The following PAQR3 variants were observed in gnomAD, a reference collection of about 807,000 sequenced individuals.
PAQR3 encodes Raf kinase trapping to Golgi.
Under a neutral mutation model 41.7 loss-of-function variants are expected in PAQR3, and 39 were observed. The ratio of observed to expected loss-of-function variants is 0.93; its 90% CI spans 0.72 to 1.22. The LOEUF (loss-of-function observed/expected upper bound fraction) is 1.22, where lower values mean the gene tolerates loss of function less well. Among genes scored for constraint, PAQR3 ranks in the 50% most tolerant of loss-of-function variants. The probability of loss-of-function intolerance (pLI) is 0.00; values close to 1 mark genes in which losing one functional copy is unlikely to be tolerated. For synonymous variants in PAQR3, 140 were observed against 140.6 expected (o/e 1.00, Z 0.03); for missense variants, 366 against 385.6 (o/e 0.95, Z 0.42).
chr4:78,910,453 C>CT (rs1448784938), downstream of PAQR3, among the ~76,000 whole-genome samples: 1 of 152,172 alleles, frequency 6.6e-6, no homozygotes, highest in Non-Finnish European at 1.5e-5. Context: ...AATGCATTCT[C>CT]TAAGTCTAAT....
downstream of PAQR3, chr4:78,910,467 G>A (rs1002843347): frequency 9.9e-6 from 7 of 703,566 alleles, no homozygotes; most frequent in African/African-American, 3.6e-5. Context: ...GTCTAATGAC[G>A]AAGAATTGAC....
rs1734833965 is a variant in PAQR3, at chr4:78,913,971, C to T, written c.*6568G>A. On this transcript the variant is annotated 3_prime_UTR_variant, in exon 6 of 6. Transcript: ENST00000512733. ...AAATGCTCAAGTAGATGTTTAAAAACTTTACAAAATAGATTCAAGTGATAC... is the reference window on the plus strand; with the variant it reads ...AAATGCTCAAGTAGATGTTTAAAAATTTTACAAAATAGATTCAAGTGATAC... 1 of 151,608 alleles carries T rather than the reference C, an allele frequency of 6.6e-6. No homozygotes were observed. Among genetic ancestry groups the T allele is most frequent in the Non-Finnish European group, 1.5e-5 (1 of 67,894 alleles). 9.4% of individuals were successfully genotyped at this position (151,608 alleles called of 1,614,324 possible).
Position 78,930,297 on chromosome 4 carries a change from T to C in PAQR3, c.377A>G (p.His126Arg), listed in dbSNP as rs1173646028. The C allele has an allele frequency of 6.2e-7, 1 of 1,613,696 alleles. No homozygotes were observed. Among genetic ancestry groups the C allele is most frequent in the Non-Finnish European group, 8.5e-7 (1 of 1,179,862 alleles). The change falls in exon 3 of 6, where the codon CAT becomes CGT. Residue 126 changes from histidine (H) to arginine (R), a missense_variant. Physicochemically the swap from His to Arg is conservative, Grantham distance 29 (BLOSUM62 0). Transcript: ENST00000512733. ...QVCMLCSVGY[H>R]LFSCHRSEKT... Reference sequence around the variant, plus strand: ...TTCTGACCGATGGCAGGAAAAAAGATGATAGCCCACAGAGCAAAGCATACA... The same window carrying C: ...TTCTGACCGATGGCAGGAAAAAAGACGATAGCCCACAGAGCAAAGCATACA...
intron 1 of PAQR3, among the ~76,000 whole-genome samples, chr4:78,937,406 T>C (rs1184428641): frequency 2.0e-5 from 3 of 152,190 alleles, no homozygotes; most frequent in Non-Finnish European, 4.4e-5. Context: ...TCTTCTTCCG[T>C]CTTTCGAACC....
intron 3 of PAQR3, 28 bp from the exon 4 acceptor site, chr4:78,926,746 TTC>T (rs1736281002): frequency 1.3e-6 from 2 of 1,596,680 alleles, no homozygotes; most frequent in East Asian, 4.5e-5. Flanking sequence ...CACATTTTAA[TTC>T]TGTTATTAAC....
At chr4:78,935,356 A>C (rs981836250) in intron 1 of PAQR3, 73 bp from the exon 2 acceptor site, 2 of 1,370,926 alleles carry the variant, frequency 1.5e-6, no homozygotes, top group African/African-American at 2.9e-5. Flanking sequence ...GTTAGGGACA[A>C]TTTTGAGGAG....
chr4:78,934,551 G>A (rs1737231116), intron 2 of PAQR3, among the ~76,000 whole-genome samples: 1 of 152,078 alleles, frequency 6.6e-6, no homozygotes, highest in South Asian at 2.1e-4. Flanking sequence ...AACTTTTAAA[G>A]ACATTTTTAC....
intron 11 of PAQR3, among the ~76,000 whole-genome samples, chr4:78,901,228 TTA>T (rs200710553): frequency 0.013 from 1,959 of 149,888 alleles, 37 homozygotes; most frequent in African/African-American, 0.046. Flanking sequence ...TTTTATTTTA[TTA>T]TTTTTTTTTT....
chr4:78,923,812 A>G (rs1425981857), intron 5 of PAQR3, 45 bp downstream of exon 5: 2 of 1,278,276 alleles, frequency 1.6e-6, no homozygotes, highest in Middle Eastern at 1.9e-4. Context: ...CCTTGGGCAT[A>G]TATTTAGACT....
chr4:78,902,942 T>C (rs1734086825), intron 11 of PAQR3, among the ~76,000 whole-genome samples: 2 of 152,124 alleles, frequency 1.3e-5, no homozygotes, highest in Non-Finnish European at 2.9e-5. Context: ...ATTCTTTTTA[T>C]GAAGTATTTG....
At chr4:78,931,185 T>TA (rs1553925635) in intron 2 of PAQR3, among the ~76,000 whole-genome samples, 250 of 115,006 alleles carry the variant, frequency 2.2e-3, no homozygotes, top group African/African-American at 7.1e-3. Flanking sequence ...CCTCATTTCT[T>TA]AAAAAAAAAA....
At chr4:78,897,458 A>G (rs1295409919) in intron 11 of PAQR3, among the ~76,000 whole-genome samples, 5 of 152,174 alleles carry the variant, frequency 3.3e-5, no homozygotes, top group East Asian at 1.9e-4. Context: ...AAAAATTTAT[A>G]ATGAAAAATT....
At position 78,918,268 on chromosome 4, in the gene PAQR3, A is replaced by G. The variant is rs1735290278; in HGVS notation, c.*2271T>C. On this transcript the variant is annotated 3_prime_UTR_variant, in exon 6 of 6. Coordinates refer to ENST00000512733, the MANE Select transcript of PAQR3 (RefSeq NM_001040202.2). Reference sequence around the variant, plus strand: ...ACTTTAATCTATAAAAACAAAAATAACTTAAATATACATCATTACAAGGCT... The same window carrying G: ...ACTTTAATCTATAAAAACAAAAATAGCTTAAATATACATCATTACAAGGCT... 4.3e-6 allele frequency: 4 copies of G among 932,358 alleles called. No individual in the cohort carries two copies. The highest frequency in any genetic ancestry group is 1.2e-4 in the Admixed American group (2 of 16,112). The allele number at this position is 932,358 out of a possible 1,614,324, so 57.8% of individuals were successfully genotyped here. A position where few individuals can be genotyped will look rare whatever the true frequency, so the allele number is the denominator to read the frequency against.
chr4:78,920,839 A>C (rs1735591048), intron 5 of PAQR3, among the ~76,000 whole-genome samples, 158 bp from the exon 6 acceptor site: 1 of 151,920 alleles, frequency 6.6e-6, no homozygotes, highest in African/African-American at 2.4e-5. Context: ...AAATGGATCA[A>C]TTCATATTTG....
chr4:78,918,752 A>C lies in PAQR3; in HGVS notation c.*1787T>G. On this transcript the variant is annotated 3_prime_UTR_variant, in exon 6 of 6. Coordinates refer to ENST00000512733, the MANE Select transcript of PAQR3 (RefSeq NM_001040202.2). ...TAAAAATGGCTCCACACCTAAAATA[A>C]TGATTTTCCCCTCATTTTTAACTTA... 1.0e-6 allele frequency: 1 copy of C among 982,234 alleles called. No homozygotes were observed. The highest frequency in any genetic ancestry group is 1.2e-6 in the Non-Finnish European group (1 of 827,136). The allele number at this position is 982,234 out of a possible 1,614,324, so 60.8% of individuals were successfully genotyped here. A position where few individuals can be genotyped will look rare whatever the true frequency, so the allele number is the denominator to read the frequency against.
At chr4:78,900,418 C>T (rs7691065) in intron 11 of PAQR3, among the ~76,000 whole-genome samples, 25,751 of 151,842 alleles carry the variant, frequency 0.17, 4,482 homozygotes, top group African/African-American at 0.45. Context: ...TATAGAAAGA[C>T]TGAAAGTGAA....
At chr4:78,894,584 G>A (rs546960808) in intron 11 of PAQR3, among the ~76,000 whole-genome samples, 12 of 152,316 alleles carry the variant, frequency 7.9e-5, no homozygotes, top group South Asian at 2.1e-4. Flanking sequence ...TTACGGGAAC[G>A]CAGTGGTTGG....
At chr4:78,892,468 C>T (rs6830661) in intron 11 of PAQR3, among the ~76,000 whole-genome samples, 20,279 of 152,104 alleles carry the variant, frequency 0.13, 2,501 homozygotes, top group African/African-American at 0.33. Context: ...TGTGTTTTCC[C>T]CTTTTTATCA....
At chr4:78,889,169 CGA>C (rs1274606669) in intron 11 of PAQR3, among the ~76,000 whole-genome samples, 1 of 141,944 alleles carries the variant, frequency 7.0e-6, no homozygotes, top group Non-Finnish European at 1.5e-5. Context: ...TGCAGTGAGC[CGA>C]GATCGTGCCA....
Sources: gnomAD v4.1 joint callset for allele counts (sites outside exome capture counted in the v4.1 genomes callset) on GRCh38, gnomAD v4.1.1 for gene constraint, MANE v1.5 for transcripts, NCBI Gene and HGNC (gene_info 2026-07-23, HGNC 2026-07-21) for gene names.